The following KCNB2 variants were observed in gnomAD, a reference collection of about 807,000 sequenced individuals.
KCNB2 encodes delayed rectifier potassium channel protein.
KCNB2 carries 15 observed loss-of-function variants against 61.5 expected under a neutral mutation model. The ratio of observed to expected loss-of-function variants is 0.24; its 90% CI spans 0.16 to 0.38. KCNB2 has a LOEUF of 0.38. Among genes scored for constraint, KCNB2 ranks in the 10% least tolerant of loss-of-function variants. The probability of loss-of-function intolerance (pLI) is 1.00; values close to 1 mark genes in which losing one functional copy is unlikely to be tolerated. For synonymous variants in KCNB2, 457 were observed against 446.0 expected, an observed-to-expected ratio of 1.02 and a Z score of -0.31; for missense variants, 828 against 1,125.2, an observed-to-expected ratio of 0.74 and a Z score of 3.78.
At chr8:72,609,798 A>G (rs1805508947) in intron 2 of KCNB2, among the ~76,000 whole-genome samples, 1 of 152,140 alleles carries the variant, frequency 6.6e-6, no homozygotes, top group Non-Finnish European at 1.5e-5. Flanking sequence ...TATGTAAACC[A>G]TTTTTCATTA....
intron 2 of KCNB2, among the ~76,000 whole-genome samples, chr8:72,845,546 C>T (rs1046284958): frequency 7.2e-5 from 11 of 152,214 alleles, no homozygotes; most frequent in African/African-American, 2.7e-4. Flanking sequence ...ACAGCTGCCC[C>T]TTCCCCCAGG....
chr8:72,852,615 C>T (rs1250508040), intron 2 of KCNB2, among the ~76,000 whole-genome samples: 1 of 152,144 alleles, frequency 6.6e-6, no homozygotes, highest in East Asian at 1.9e-4. Flanking sequence ...CAACTGAATA[C>T]GTTCAAATGT....
intron 2 of KCNB2, among the ~76,000 whole-genome samples, chr8:72,724,305 G>T (rs1190889052): frequency 2.0e-5 from 3 of 152,206 alleles, no homozygotes; most frequent in Non-Finnish European, 4.4e-5. Flanking sequence ...TTCAATGCCA[G>T]TTGTACAGCT....
chr8:72,752,151 G>C (rs1043991324), intron 2 of KCNB2, among the ~76,000 whole-genome samples: 2 of 152,096 alleles, frequency 1.3e-5, no homozygotes, highest in African/African-American at 4.8e-5. Flanking sequence ...AATAAATGGG[G>C]GAAGAATAGG....
At chr8:72,903,571 A>G (rs1310497826) in intron 2 of KCNB2, among the ~76,000 whole-genome samples, 1 of 152,188 alleles carries the variant, frequency 6.6e-6, no homozygotes, top group Non-Finnish European at 1.5e-5. Context: ...ACAGAGTGAG[A>G]CCTTGGCTCA....
chr8:72,604,664 G>A (rs1471400454), intron 2 of KCNB2, among the ~76,000 whole-genome samples: 4 of 152,038 alleles, frequency 2.6e-5, no homozygotes, highest in Admixed American at 1.3e-4. Flanking sequence ...GTTTTTAATT[G>A]GATCATAAAT....
At chr8:72,561,703 A>ATGTG (rs1563523313) in intron 1 of KCNB2, among the ~76,000 whole-genome samples, 3 of 20,544 alleles carry the variant, frequency 1.5e-4, no homozygotes, top group Non-Finnish European at 1.4e-4. Flanking sequence ...ATATATATAT[A>ATGTG]TATATATATA....
At chr8:72,552,562 G>A (rs1368407923) in intron 1 of KCNB2, among the ~76,000 whole-genome samples, 2 of 152,294 alleles carry the variant, frequency 1.3e-5, no homozygotes, top group South Asian at 2.1e-4. Context: ...AGTTTCAAAA[G>A]CAGTGTGGTT....
intron 2 of KCNB2, among the ~76,000 whole-genome samples, chr8:72,592,157 T>C (rs894800446): frequency 6.6e-6 from 1 of 152,116 alleles, no homozygotes; most frequent in Non-Finnish European, 1.5e-5. Context: ...CATAGAAACA[T>C]AGAAAGAGAG....
At chr8:72,855,316 C>T (rs999767977) in intron 2 of KCNB2, among the ~76,000 whole-genome samples, 1 of 152,176 alleles carries the variant, frequency 6.6e-6, no homozygotes, top group African/African-American at 2.4e-5. Context: ...ACCCCCATCT[C>T]ACATTTTTTC....
intron 2 of KCNB2, among the ~76,000 whole-genome samples, chr8:72,777,819 A>G (rs901377482): frequency 3.9e-5 from 6 of 152,202 alleles, no homozygotes; most frequent in Admixed American, 2.0e-4. Flanking sequence ...CACTCTTCAA[A>G]AAAGTTGGCT....
intron 2 of KCNB2, among the ~76,000 whole-genome samples, chr8:72,816,067 T>C (rs1809391316): frequency 6.6e-6 from 1 of 152,194 alleles, no homozygotes; most frequent in African/African-American, 2.4e-5. Flanking sequence ...TTTAGAATAC[T>C]GTATTTTATA....
At chr8:72,564,568 G>A (rs1806592607) in intron 1 of KCNB2, among the ~76,000 whole-genome samples, 1 of 152,112 alleles carries the variant, frequency 6.6e-6, no homozygotes, top group South Asian at 2.1e-4. Context: ...ATTCATCACT[G>A]GAATTGCCCC....
In KCNB2 at chr8:72,774,715, A is replaced by C. The variant is rs538777985; in HGVS notation, c.580-161220A>C. Among the ~76,000 whole-genome samples the C allele has an allele frequency of 5.9e-5, 9 of 152,258 alleles. No homozygotes were observed. The South Asian group carries it at 1.9e-3, about 32-fold the overall frequency. The stretch of plus-strand genomic sequence containing the variant: ...ATATAAAAATTATATTGATCAAAAC[A>C]TAAATAAGAATTCTCATGTCCTACT... On this transcript the variant is annotated intron_variant, in intron 2 of 2. Coordinates refer to ENST00000523207, the MANE Select transcript of KCNB2 (RefSeq NM_004770.3).
intron 2 of KCNB2, among the ~76,000 whole-genome samples, chr8:72,649,385 G>A (rs1309702394): frequency 6.6e-6 from 1 of 152,070 alleles, no homozygotes; most frequent in Non-Finnish European, 1.5e-5. Flanking sequence ...GAGCCCTTTG[G>A]ATTTCCCACT....
intron 2 of KCNB2, among the ~76,000 whole-genome samples, chr8:72,842,426 T>G (rs1809908732): frequency 6.6e-6 from 1 of 152,226 alleles, no homozygotes; most frequent in South Asian, 2.1e-4. Context: ...CAGGTTTTGG[T>G]ATCAGGATGA....
At chr8:72,688,635 A>G (rs1351140087) in intron 2 of KCNB2, among the ~76,000 whole-genome samples, 31 of 152,168 alleles carry the variant, frequency 2.0e-4, no homozygotes, top group Non-Finnish European at 2.9e-5. Flanking sequence ...TTAATAAATA[A>G]TTGAATAAAT....
chr8:72,648,784 A>G (rs1055487919), intron 2 of KCNB2, among the ~76,000 whole-genome samples: 15 of 152,264 alleles, frequency 9.9e-5, no homozygotes, highest in Admixed American at 4.6e-4. Flanking sequence ...GAAAGAAATT[A>G]TAATTCAGAA....
chr8:72,823,934 G>T (rs922793465), intron 2 of KCNB2, among the ~76,000 whole-genome samples: 1 of 152,154 alleles, frequency 6.6e-6, no homozygotes, highest in African/African-American at 2.4e-5. Context: ...AGGACCCTGG[G>T]AGCCCCATCT....
Sources: gnomAD v4.1 joint callset for allele counts (sites outside exome capture counted in the v4.1 genomes callset) on GRCh38, gnomAD v4.1.1 for gene constraint, MANE v1.5 for transcripts, NCBI Gene and HGNC (gene_info 2026-07-23, HGNC 2026-07-21) for gene names.